Variants in NEB observed in about 807,000 individuals in gnomAD.
NEB encodes nebulin.
Under a neutral mutation model 952.2 loss-of-function variants are expected in NEB, and 512 were observed. The observed-to-expected ratio is 0.54, with a 90% CI of 0.50 to 0.58. The LOEUF (loss-of-function observed/expected upper bound fraction) is 0.58, where lower values mean the gene tolerates loss of function less well. NEB is among the 20% of genes least tolerant of loss of function. The probability of loss-of-function intolerance (pLI) is 0.00; values close to 1 mark genes in which losing one functional copy is unlikely to be tolerated. For synonymous variants in NEB, 2,900 were observed against 3,149.8 expected, an observed-to-expected ratio of 0.92 and a Z score of 2.66; for missense variants, 8,428 against 9,231.1, an observed-to-expected ratio of 0.91 and a Z score of 3.56.
intron 73 of NEB, 101 bp from the exon 74 acceptor site, chr2:151,618,579 G>A: frequency 8.7e-7 from 1 of 1,147,976 alleles, no homozygotes. Context: ...CCGATGAATA[G>A]TTAAGGTTCC....
intron 167 of NEB, among the ~76,000 whole-genome samples, chr2:151,501,882 G>GTT (rs2064904427): frequency 6.6e-6 from 1 of 152,190 alleles, no homozygotes; most frequent in East Asian, 1.9e-4. Context: ...AAGAATAAAT[G>GTT]TTGAAAGCTA....
At chr2:151,550,947 A>AATTATTATTATTATT (rs5835373) in intron 129 of NEB, among the ~76,000 whole-genome samples, 2,345 of 138,868 alleles carry the variant, frequency 0.017, 64 homozygotes, top group African/African-American at 0.049. Context: ...GCCTGGCCAA[A>AATTATTATTATTATT]ATTATTATTA....
At chr2:151,492,330 T>C (rs766362495) in intron 177 of NEB, 49 bp from the exon 178 acceptor site, 1 of 1,594,416 alleles carries the variant, frequency 6.3e-7, no homozygotes, top group South Asian at 1.1e-5. Flanking sequence ...TGTGACTATA[T>C]CCCTTTTTAC....
At chr2:151,526,384 A>G in intron 148 of NEB, 122 bp from the exon 149 acceptor site, 1 of 726,748 alleles carries the variant, frequency 1.4e-6, no homozygotes, top group Non-Finnish European at 2.4e-6. Context: ...AAGATGTGAT[A>G]CTTGCAAATT....
At position 151,514,862 on chromosome 2, in the gene NEB, G is replaced by A. The variant is rs1021338595; in HGVS notation, c.22972C>T (p.Pro7658Ser). Residue 7658 changes from proline to serine, a missense_variant, in exon 158 of 182, where the codon CCA becomes TCA. By Grantham distance (74) the Pro-to-Ser change is moderately conservative (BLOSUM62 -1). This residue lies in a region of NEB where 3,374 missense variants were observed against 3,651.5 expected (regional missense o/e 0.92). Transcript: ENST00000397345. ...GCATATTTGACATGTAACAAAGCTG[G>A]CGTGACCTCCAGGCCAGTCAGGTTT... is the stretch of plus-strand genomic sequence containing the variant. ...GRNLTGLEVT[P>S]ALLHVKYATK... 4.4e-6 allele frequency: 7 copies of A among 1,588,252 alleles called. No homozygotes were observed. In the Admixed American group the frequency reaches 1.2e-4, roughly 28 times the overall value.
chr2:151,613,292 T>C (rs2098077964), intron 77 of NEB, among the ~76,000 whole-genome samples: 2 of 152,200 alleles, frequency 1.3e-5, no homozygotes, highest in South Asian at 4.1e-4. Flanking sequence ...TTCATATGTA[T>C]AATTCATTTT....
intron 24 of NEB, 41 bp from the exon 25 acceptor site, chr2:151,688,437 T>C: frequency 1.3e-6 from 2 of 1,488,520 alleles, no homozygotes; most frequent in Non-Finnish European, 9.3e-7. Context: ...GGGGAACTTC[T>C]TTGAATTTAT....
chr2:151,704,637 C>A (rs1248926763), intron 13 of NEB, among the ~76,000 whole-genome samples: 5 of 152,230 alleles, frequency 3.3e-5, no homozygotes, highest in African/African-American at 1.2e-4. Flanking sequence ...GTGCGTCCGT[C>A]ACCCCTTTCT....
intron 9 of NEB, among the ~76,000 whole-genome samples, chr2:151,718,148 T>C (rs889282528): frequency 6.6e-6 from 1 of 152,152 alleles, no homozygotes; most frequent in Admixed American, 6.5e-5. Flanking sequence ...CCACCGCGCC[T>C]GGCCAACTTC....
At position 151,639,308 on chromosome 2, in the gene NEB, G is replaced by A; in HGVS notation, c.8966C>T (p.Ala2989Val). 6.5e-7 allele frequency: 1 copy of A among 1,543,046 alleles called. No individual in the cohort carries two copies. Among genetic ancestry groups the A allele is most frequent in the Non-Finnish European group, 8.7e-7 (1 of 1,146,980 alleles). ...ACTGTAGTTGATTTTGTTCATTCTTGCCAACATAATTTCTGGTGTGTCTGG... is the reference window on the plus strand; with the variant it reads ...ACTGTAGTTGATTTTGTTCATTCTTACCAACATAATTTCTGGTGTGTCTGG... ...IMPDTPEIML[A>V]RMNKINYSES... Residue 2989 changes from alanine (A) to valine (V), a missense_variant, in exon 63 of 182, where the codon GCA (alanine) becomes GTA (valine). Ala to Val is a moderately conservative substitution (Grantham distance 64, BLOSUM62 0). Around this residue, in one of 11 missense-constraint regions of NEB, gnomAD observed 1,772 missense variants for 1,960.3 expected, o/e 0.90. Transcript: ENST00000397345.
chr2:151,639,441 G>T, intron 62 of NEB, 57 bp from the exon 63 acceptor site: 1 of 1,235,546 alleles, frequency 8.1e-7, no homozygotes, highest in Non-Finnish European at 1.1e-6. Flanking sequence ...TAGTTAATAG[G>T]AATTTTAGGG....
At chr2:151,663,489 G>A in intron 45 of NEB, 59 bp downstream of exon 45, 1 of 1,465,464 alleles carries the variant, frequency 6.8e-7, no homozygotes, top group Non-Finnish European at 9.2e-7. Flanking sequence ...ATTGCTTATG[G>A]TCACTCATGG....
chr2:151,650,025 G>T, intron 54 of NEB, 151 bp downstream of exon 54: 1 of 745,252 alleles, frequency 1.3e-6, no homozygotes, highest in Non-Finnish European at 2.2e-6. Flanking sequence ...TAGGATAGTT[G>T]CTAATTCAAA....
chr2:151,574,558 G>T (rs185807088), intron 107 of NEB, among the ~76,000 whole-genome samples: 1 of 152,208 alleles, frequency 6.6e-6, no homozygotes, highest in Admixed American at 6.5e-5. Flanking sequence ...CTAATAAAAT[G>T]AGCCTTTTCT....
chr2:151,687,741 A>C lies in NEB; in HGVS notation c.2416-8T>G. 6.4e-7 allele frequency: 1 copy of C among 1,566,864 alleles called. No homozygotes were observed. The highest frequency in any genetic ancestry group is 1.9e-5 in the Admixed American group (1 of 52,448). ...GTCTTGCTTATAAACATTCTGGACA[A>C]GAAAAATTCAGCAAAGGAATGATAA... On this transcript the variant is annotated splice_polypyrimidine_tract_variant and splice_region_variant and intron_variant, in intron 25 of 181. Transcript: ENST00000397345.
At chr2:151,665,859 A>G (rs1395681357) in intron 41 of NEB, among the ~76,000 whole-genome samples, 2 of 152,234 alleles carry the variant, frequency 1.3e-5, no homozygotes, top group Non-Finnish European at 2.9e-5. Flanking sequence ...TTTCATAGAC[A>G]ACATCATATG....
In NEB at chr2:151,576,040, A is replaced by C. The variant is rs1297816430; in HGVS notation, c.16908+111T>G. ...CAAGACAATACTGTATTACTTAATA[A>C]AATTTTTGTTATTAATAAAGTTTTT... On this transcript the variant is annotated intron_variant, in intron 106 of 181. Coordinates refer to ENST00000397345, the MANE Select transcript of NEB (RefSeq NM_001164508.2). The C allele has an allele frequency of 4.5e-6, 4 of 888,628 alleles. No homozygotes were observed. In the African/African-American group the frequency reaches 5.1e-5, roughly 11 times the overall value. The allele number at this position is 888,628 out of a possible 1,614,324, so 55.0% of individuals were successfully genotyped here.
At chr2:151,535,629 A>C in intron 142 of NEB, 62 bp downstream of exon 142, 2 of 1,070,014 alleles carry the variant, frequency 1.9e-6, no homozygotes, top group Non-Finnish European at 2.7e-6. Context: ...TAATTTAAAA[A>C]AACTCTGAGA....
At chr2:151,510,414 A>G (rs1296601446) in intron 161 of NEB, among the ~76,000 whole-genome samples, 1 of 152,206 alleles carries the variant, frequency 6.6e-6, no homozygotes, top group Non-Finnish European at 1.5e-5. Flanking sequence ...ATCTAACTTA[A>G]CCATTCATTT....
Sources: allele counts gnomAD v4.1 joint callset (sites outside exome capture counted in the v4.1 genomes callset), GRCh38; gene constraint gnomAD v4.1.1; regional missense constraint gnomAD v4.1.1; transcripts MANE v1.5; gene names NCBI Gene and HGNC (gene_info 2026-07-23, HGNC 2026-07-21).